Variants in TMEM63A observed in about 807,000 individuals in gnomAD.
TMEM63A encodes the protein mechanosensitive cation channel TMEM63A.
TMEM63A carries 76 observed loss-of-function variants against 100.6 expected under a neutral mutation model. That is an observed-to-expected ratio of 0.76 (90% CI 0.63 to 0.91). The LOEUF is 0.91. Among genes scored for constraint, TMEM63A ranks in the 40% least tolerant of loss-of-function variants. The pLI is 0.00. For synonymous variants in TMEM63A, 401 were observed against 401.1 expected (o/e 1.00, Z 0.00); for missense variants, 876 against 1,008.8 (o/e 0.87, Z 1.78).
At chr1:225,869,666 C>CTTTTCTTTTTTTTTTTTT (rs76862516) in intron 6 of TMEM63A, among the ~76,000 whole-genome samples, 26 of 109,860 alleles carry the variant, frequency 2.4e-4, no homozygotes, top group East Asian at 7.8e-4. Context: ...CTTTTCTTTT[C>CTTTTCTTTTTTTTTTTTT]TTTTTTTTTT....
In TMEM63A at chr1:225,874,357, A is replaced by G; in HGVS notation, c.197T>C (p.Leu66Ser). ...TCTTCTTCTTATAATAGAAAACACC[A>G]AGATTAAGAACTAAAAACAGAAAAG... is the stretch of plus-strand genomic sequence containing the variant. ...IDVSCFLFLILVFSIIRRRFW... is the reference protein window; with the variant it reads ...IDVSCFLFLISVFSIIRRRFW... Residue 66 changes from leucine to serine, a missense_variant, in exon 4 of 25, where the codon TTG (leucine) becomes TCG (serine). This residue lies in a region of TMEM63A where 487 missense variants were observed against 581.9 expected (regional missense o/e 0.84). Coordinates refer to ENST00000366835, the MANE Select transcript of TMEM63A (RefSeq NM_014698.3). 1 of 1,613,334 alleles carries G rather than the reference A, an allele frequency of 6.2e-7. No homozygotes were observed.
intron 3 of TMEM63A, among the ~76,000 whole-genome samples, chr1:225,876,681 T>C (rs1294006809): frequency 6.6e-6 from 1 of 151,544 alleles, no homozygotes; most frequent in Non-Finnish European, 1.5e-5. Context: ...AGCGTCTCGC[T>C]CTTGTTGCAC....
At chr1:225,869,671 T>C (rs4653697) in intron 6 of TMEM63A, among the ~76,000 whole-genome samples, 45 of 12,824 alleles carry the variant, frequency 3.5e-3, no homozygotes, top group African/African-American at 4.2e-3. Flanking sequence ...CTTTTCTTTT[T>C]TTTTTTTTTT....
chr1:225,844,737 G>C, downstream of TMEM63A: 1 of 1,502,442 alleles, frequency 6.7e-7, no homozygotes. Flanking sequence ...CTTGCCTGCA[G>C]GTGCCCCAGG....
intron 9 of TMEM63A, 113 bp downstream of exon 9, chr1:225,866,461 C>G: frequency 1.2e-6 from 1 of 864,382 alleles, no homozygotes; most frequent in Non-Finnish European, 1.8e-6. Flanking sequence ...GCTCCTGAGG[C>G]CCTCCCAGAG....
At chr1:225,861,981 G>T in intron 13 of TMEM63A, 1 of 621,226 alleles carries the variant, frequency 1.6e-6, no homozygotes, top group Non-Finnish European at 2.8e-6. Flanking sequence ...GCTCGAGGGG[G>T]TCAGCCAGAA....
chr1:225,845,183 C>G (rs926924689), downstream of TMEM63A: 3 of 1,614,050 alleles, frequency 1.9e-6, no homozygotes, highest in African/African-American at 4.0e-5. Context: ...CTCTGCCTTC[C>G]CTTTTGAGCT....
rs1277613572 is a variant in TMEM63A, at chr1:225,845,814, A to AGAAG, written c.*1121_*1124dup. On this transcript the variant is annotated 3_prime_UTR_variant, in exon 25 of 25. Transcript: ENST00000366835. ...TCAGCGTCAAGAGAGTCCCTGAGTG[A>AGAAG]GAAGGCCCAGATAAGCCCAGGCCCC... 4.2e-6 allele frequency: 1 copy of AGAAG among 238,610 alleles called. No homozygotes were observed. The highest frequency in any genetic ancestry group is 8.3e-6 in the Non-Finnish European group (1 of 120,970). The allele number at this position is 238,610 out of a possible 1,614,324, so 14.8% of individuals were successfully genotyped here. A position where few individuals can be genotyped will look rare whatever the true frequency, so the allele number is the denominator to read the frequency against.
At chr1:225,872,109 C>G in intron 4 of TMEM63A, 56 bp from the exon 5 acceptor site, 1 of 1,284,694 alleles carries the variant, frequency 7.8e-7, no homozygotes, top group Middle Eastern at 1.9e-4. Context: ...AAAAAAAAGC[C>G]AAACAAGTCA....
intron 21 of TMEM63A, among the ~76,000 whole-genome samples, chr1:225,849,360 A>T (rs755582938): frequency 2.2e-4 from 34 of 151,348 alleles, no homozygotes; most frequent in Middle Eastern, 3.4e-3. Flanking sequence ...ACCCTCCCAC[A>T]CCCCCAGTCT....
chr1:225,848,212 G>C (rs1669121265), intron 23 of TMEM63A: 1 of 462,762 alleles, frequency 2.2e-6, no homozygotes, highest in South Asian at 3.3e-5. Context: ...AAACTCACCA[G>C]GCATTAAATA....
At chr1:225,856,799 G>A (rs201224406) in intron 16 of TMEM63A, 61 bp from the exon 17 acceptor site, 6 of 1,590,640 alleles carry the variant, frequency 3.8e-6, no homozygotes, top group Non-Finnish European at 5.1e-6. Flanking sequence ...CCCCCAGTGA[G>A]GCCCCTGCCA....
At chr1:225,851,084 T>C (rs1054350677) in intron 20 of TMEM63A, among the ~76,000 whole-genome samples, 1 of 152,126 alleles carries the variant, frequency 6.6e-6, no homozygotes, top group African/African-American at 2.4e-5. Flanking sequence ...ACAGTGTCTG[T>C]GATCCTGTCC....
intron 1 of TMEM63A, among the ~76,000 whole-genome samples, chr1:225,880,444 G>A (rs903784390): frequency 1.3e-5 from 2 of 152,140 alleles, no homozygotes; most frequent in African/African-American, 2.4e-5. Context: ...GAAGGCAGGG[G>A]GAGGGGAGCA....
intron 18 of TMEM63A, among the ~76,000 whole-genome samples, chr1:225,854,693 G>C (rs995894397): frequency 2.0e-5 from 3 of 152,170 alleles, no homozygotes; most frequent in Admixed American, 6.5e-5. Context: ...CAGCCTGGAG[G>C]TGCAGGCTAG....
intron 14 of TMEM63A, chr1:225,859,620 C>A: frequency 2.3e-6 from 1 of 441,880 alleles, no homozygotes; most frequent in Non-Finnish European, 4.0e-6. Flanking sequence ...AAACAAGGCT[C>A]CAGCATGGCA....
intron 14 of TMEM63A, chr1:225,859,641 C>A: frequency 8.3e-6 from 3 of 361,292 alleles, no homozygotes; most frequent in East Asian, 6.3e-5. Context: ...TTTATTTTTT[C>A]TTTTTCTGTT....
chr1:225,863,191 C>T (rs936031151), intron 10 of TMEM63A: 9 of 276,582 alleles, frequency 3.3e-5, no homozygotes, highest in African/African-American at 1.8e-4. Flanking sequence ...GTAGCTGGGG[C>T]TACAGGCACA....
chr1:225,852,730 A>G lies in TMEM63A; in HGVS notation c.1837T>C (p.Trp613Arg), dbSNP rs758031250. The G allele has an allele frequency of 6.2e-6, 10 of 1,614,062 alleles. No individual in the cohort carries two copies. In the South Asian group the frequency reaches 1.1e-4, roughly 18 times the overall value. The part of the protein sequence containing the change: ...FQYEFGAMYA[W>R]MLCVFTVIVA... ...ATGACAGTGAAGACACACAGCATCC[A>G]TGCATACATGGCTCCAAACTCGTAC... The change falls in exon 20 of 25, where the codon TGG (tryptophan) becomes CGG (arginine). Residue 613 changes from tryptophan to arginine, a missense_variant. Transcript: ENST00000366835.
Sources: allele counts gnomAD v4.1 joint callset (sites outside exome capture counted in the v4.1 genomes callset), GRCh38; gene constraint gnomAD v4.1.1; regional missense constraint gnomAD v4.1.1; transcripts MANE v1.5; gene names NCBI Gene and HGNC (gene_info 2026-07-23, HGNC 2026-07-21).